PRKDC: variants seen among roughly 807,000 people sequenced by gnomAD.
PRKDC encodes the protein protein kinase, DNA-activated, catalytic subunit, also known as DNA-dependent protein kinase catalytic subunit.
PRKDC carries 82 observed loss-of-function variants against 486.9 expected under a neutral mutation model. The observed-to-expected ratio is 0.17, with a 90% CI of 0.14 to 0.20. PRKDC has a LOEUF of 0.20. Among genes scored for constraint, PRKDC ranks in the 10% least tolerant of loss-of-function variants. PRKDC has a pLI of 1.00. For synonymous variants in PRKDC, 1,895 were observed against 1,837.0 expected (o/e 1.03, Z -0.81); for missense variants, 4,504 against 5,038.2 (o/e 0.89, Z 3.21).
At chr8:47,860,735 G>A (rs1380687143) in intron 45 of PRKDC, among the ~76,000 whole-genome samples, 164 bp downstream of exon 45, 1 of 152,094 alleles carries the variant, frequency 6.6e-6, no homozygotes, top group Non-Finnish European at 1.5e-5. Context: ...AATTCCATTT[G>A]CCACTTAAAA....
At chr8:47,935,710 A>T (rs1279342813) in intron 13 of PRKDC, 22 bp downstream of exon 13, 12 of 1,609,866 alleles carry the variant, frequency 7.5e-6, no homozygotes, top group Non-Finnish European at 1.0e-5. Context: ...TTACTCATAA[A>T]TACAATAAAT....
chr8:47,777,931 G>C lies in PRKDC; in HGVS notation c.11854-57C>G. The C allele has an allele frequency of 2.0e-6, 3 of 1,491,188 alleles. No individual in the cohort carries two copies. In the East Asian group the frequency reaches 7.1e-5, roughly 35 times the overall value. The allele number at this position is 1,491,188 out of a possible 1,614,324, so 92.4% of individuals were successfully genotyped here. A position where few individuals can be genotyped will look rare whatever the true frequency, so the allele number is the denominator to read the frequency against. ...TGTAAGCCAGAACTCTCAAAGTACC[G>C]AGCACAAATGGCAGCATCCTCACAT... On this transcript the variant is annotated intron_variant, in intron 83 of 85. Transcript: ENST00000314191.
At chr8:47,812,682 T>C (rs966519379) in intron 68 of PRKDC, among the ~76,000 whole-genome samples, 17 of 150,614 alleles carry the variant, frequency 1.1e-4, no homozygotes, top group South Asian at 2.1e-4. Context: ...CTAAAGAAAC[T>C]AGAAAAAGAA....
At chr8:47,921,452 T>C (rs1010662086) in intron 21 of PRKDC, among the ~76,000 whole-genome samples, 15 of 152,170 alleles carry the variant, frequency 9.9e-5, no homozygotes, top group African/African-American at 3.6e-4. Flanking sequence ...TTGGGTACTT[T>C]GATAATTTCT....
intron 63 of PRKDC, among the ~76,000 whole-genome samples, chr8:47,824,468 C>CAAAAAA (rs11369602): frequency 8.0e-5 from 3 of 37,700 alleles, no homozygotes; most frequent in Admixed American, 7.2e-4. Context: ...GACTCCGCCT[C>CAAAAAA]AAAAAAAAAA....
intron 68 of PRKDC, among the ~76,000 whole-genome samples, chr8:47,813,167 G>C (rs1279914932): frequency 6.6e-6 from 1 of 151,592 alleles, no homozygotes; most frequent in African/African-American, 2.4e-5. Flanking sequence ...TCCCAGGCTG[G>C]AATGCAATGG....
intron 44 of PRKDC, among the ~76,000 whole-genome samples, chr8:47,861,526 A>T (rs2088677802): frequency 6.6e-6 from 1 of 152,190 alleles, no homozygotes; most frequent in South Asian, 2.1e-4. Flanking sequence ...CTGTGTGGGG[A>T]AAGTGCACGC....
chr8:47,827,686 C>T (rs1013565030), intron 62 of PRKDC, among the ~76,000 whole-genome samples: 1 of 152,152 alleles, frequency 6.6e-6, no homozygotes, highest in African/African-American at 2.4e-5. Context: ...CCTAATGTCC[C>T]TTTCTACATC....
intron 66 of PRKDC, 32 bp downstream of exon 66, chr8:47,820,687 T>C (rs1260402531): frequency 3.6e-6 from 4 of 1,117,480 alleles, no homozygotes; most frequent in Non-Finnish European, 4.8e-6. Context: ...ACTATATATA[T>C]ACAAGCATAT....
intron 54 of PRKDC, among the ~76,000 whole-genome samples, chr8:47,847,922 A>C (rs2088309662): frequency 6.6e-6 from 1 of 151,860 alleles, no homozygotes; most frequent in African/African-American, 2.4e-5. Flanking sequence ...AAATCATCAG[A>C]GAAATGCAAA....
intron 22 of PRKDC, 148 bp downstream of exon 22, chr8:47,918,129 G>T: frequency 2.0e-6 from 1 of 498,594 alleles, no homozygotes; most frequent in Non-Finnish European, 3.3e-6. Flanking sequence ...CACCATGCCT[G>T]GTCAATATAT....
chr8:47,923,314 G>A (rs1284024270), intron 21 of PRKDC, among the ~76,000 whole-genome samples: 9 of 151,970 alleles, frequency 5.9e-5, no homozygotes, highest in Non-Finnish European at 1.3e-4. Flanking sequence ...ATCCACCCAA[G>A]TTATGGGATT....
intron 25 of PRKDC, among the ~76,000 whole-genome samples, chr8:47,909,084 C>A (rs200192852): frequency 6.6e-6 from 1 of 152,194 alleles, no homozygotes; most frequent in East Asian, 1.9e-4. Flanking sequence ...TCCCCCCAGC[C>A]CCCAGGCAGT....
chr8:47,799,910 C>A (rs1337769396), intron 71 of PRKDC, among the ~76,000 whole-genome samples: 1 of 152,094 alleles, frequency 6.6e-6, no homozygotes, highest in Non-Finnish European at 1.5e-5. Context: ...GCTGGTGGGA[C>A]GTCTGAATGG....
At chr8:47,939,948 C>CT in intron 10 of PRKDC, 5 of 138,658 alleles carry the variant, frequency 3.6e-5, no homozygotes, top group East Asian at 1.7e-4. Context: ...ACACATAAGT[C>CT]TGAAAAAAAA....
At chr8:47,862,753 G>A (rs1285239193) in intron 42 of PRKDC, among the ~76,000 whole-genome samples, 11 of 152,222 alleles carry the variant, frequency 7.2e-5, no homozygotes, top group Admixed American at 3.9e-4. Flanking sequence ...TTGCAACACA[G>A]TGGTCAGTGA....
chr8:47,842,531 C>T (rs1306287057), intron 54 of PRKDC, among the ~76,000 whole-genome samples: 1 of 151,990 alleles, frequency 6.6e-6, no homozygotes, highest in African/African-American at 2.4e-5. Flanking sequence ...TGACTATACT[C>T]AGCATACACC....
chr8:47,841,048 G>A (rs1034446996), intron 54 of PRKDC, among the ~76,000 whole-genome samples: 8 of 152,162 alleles, frequency 5.3e-5, no homozygotes, highest in Admixed American at 1.3e-4. Context: ...CACAGTCTCC[G>A]GGTGCCAGGA....
intron 22 of PRKDC, among the ~76,000 whole-genome samples, chr8:47,915,779 C>T (rs948759451): frequency 6.6e-6 from 1 of 152,330 alleles, no homozygotes; most frequent in East Asian, 1.9e-4. Flanking sequence ...GTGTAGCTCA[C>T]TGGGAGACAG....
Sources: allele counts gnomAD v4.1 joint callset (sites outside exome capture counted in the v4.1 genomes callset), GRCh38; gene constraint gnomAD v4.1.1; transcripts MANE v1.5; gene names NCBI Gene and HGNC (gene_info 2026-07-23, HGNC 2026-07-21).